The following XKR6 variants were observed in gnomAD, a reference collection of about 807,000 sequenced individuals.
XKR6 encodes XK-related protein 6.
In XKR6, 22 loss-of-function variants were observed where a neutral mutation model predicts 56.7. The observed-to-expected ratio is 0.39, with a 90% confidence interval of 0.28 to 0.55. XKR6 has a LOEUF of 0.55. Ranked by LOEUF, XKR6 falls within the 20% of genes least tolerant of loss-of-function variation. The probability of loss-of-function intolerance (pLI) is 0.66; values close to 1 mark genes in which losing one functional copy is unlikely to be tolerated. For synonymous variants in XKR6, 524 were observed against 387.8 expected, an observed-to-expected ratio of 1.35 and a Z score of -4.13; for missense variants, 852 against 889.0, an observed-to-expected ratio of 0.96 and a Z score of 0.53.
At chr8:11,049,222 A>C (rs1201417434) in intron 1 of XKR6, among the ~76,000 whole-genome samples, 1 of 152,228 alleles carries the variant, frequency 6.6e-6, no homozygotes, top group Non-Finnish European at 1.5e-5. Flanking sequence ...TAATGGCTGC[A>C]AGGCACCCAC....
intron 1 of XKR6, among the ~76,000 whole-genome samples, chr8:11,082,261 G>A (rs192073543): frequency 6.6e-6 from 1 of 152,346 alleles, no homozygotes; most frequent in East Asian, 1.9e-4. Context: ...CTAAGAACCA[G>A]GAGTCTGGAA....
intron 1 of XKR6, among the ~76,000 whole-genome samples, chr8:11,152,711 A>G (rs962403472): frequency 6.6e-6 from 1 of 152,210 alleles, no homozygotes. Flanking sequence ...CAGAGAACTA[A>G]AGCGCCATGC....
chr8:11,191,048 A>G (rs1803546912), intron 1 of XKR6, among the ~76,000 whole-genome samples: 1 of 152,162 alleles, frequency 6.6e-6, no homozygotes. Context: ...GTCCTCTCCA[A>G]CAACTAAACT....
intron 1 of XKR6, among the ~76,000 whole-genome samples, chr8:11,111,008 ATTTT>A (rs58233543): frequency 8.8e-6 from 1 of 114,218 alleles, no homozygotes; most frequent in Non-Finnish European, 1.8e-5. Flanking sequence ...GGCTTTTTCT[ATTTT>A]TTTTTTTTTT....
chr8:11,072,958 G>A (rs1018807507), intron 1 of XKR6, among the ~76,000 whole-genome samples: 1 of 152,140 alleles, frequency 6.6e-6, no homozygotes, highest in Non-Finnish European at 1.5e-5. Context: ...GCTGAGGCAG[G>A]AGAATTGCTT....
intron 1 of XKR6, among the ~76,000 whole-genome samples, chr8:11,048,144 C>T (rs1799455489): frequency 6.6e-6 from 1 of 152,188 alleles, no homozygotes; most frequent in African/African-American, 2.4e-5. Context: ...AGAAAGCCAC[C>T]TGTTGAGCTG....
At chr8:11,077,914 C>T (rs1800317304) in intron 1 of XKR6, among the ~76,000 whole-genome samples, 1 of 152,112 alleles carries the variant, frequency 6.6e-6, no homozygotes, top group Non-Finnish European at 1.5e-5. Flanking sequence ...CCGGGAGCAG[C>T]CTCCCGGTGT....
At chr8:10,958,674 C>T (rs895635742) in intron 1 of XKR6, among the ~76,000 whole-genome samples, 5 of 152,186 alleles carry the variant, frequency 3.3e-5, no homozygotes, top group Non-Finnish European at 5.9e-5. Context: ...CAGCCTGGGC[C>T]GCCCGCTGAT....
At chr8:11,005,497 T>G (rs1362813135) in intron 1 of XKR6, among the ~76,000 whole-genome samples, 1 of 152,260 alleles carries the variant, frequency 6.6e-6, no homozygotes, top group East Asian at 1.9e-4. Context: ...TGGTAATGGT[T>G]GTACAACACC....
intron 1 of XKR6, among the ~76,000 whole-genome samples, chr8:11,196,505 C>A (rs990308093): frequency 3.3e-5 from 5 of 152,140 alleles, no homozygotes; most frequent in Non-Finnish European, 5.9e-5. Flanking sequence ...CTTGAGTACA[C>A]CTGAGGTACT....
intron 1 of XKR6, among the ~76,000 whole-genome samples, chr8:11,072,152 G>T (rs1325447436): frequency 6.6e-6 from 1 of 152,188 alleles, no homozygotes; most frequent in Non-Finnish European, 1.5e-5. Flanking sequence ...GAAATCACCT[G>T]TACAGCCAAT....
At chr8:11,155,940 A>C (rs1367427222) in intron 1 of XKR6, among the ~76,000 whole-genome samples, 1 of 152,208 alleles carries the variant, frequency 6.6e-6, no homozygotes, top group Non-Finnish European at 1.5e-5. Context: ...GCAATGAAGG[A>C]GGCGCCTATT....
intron 1 of XKR6, among the ~76,000 whole-genome samples, chr8:11,011,677 G>A (rs1798502548): frequency 6.6e-6 from 1 of 152,204 alleles, no homozygotes; most frequent in Non-Finnish European, 1.5e-5. Flanking sequence ...CAGGGAAAGG[G>A]ACAGGGAATG....
chr8:10,981,442 A>G (rs2129137515), intron 1 of XKR6, among the ~76,000 whole-genome samples: 1 of 152,340 alleles, frequency 6.6e-6, no homozygotes, highest in South Asian at 2.1e-4. Flanking sequence ...ATTGCGGGTG[A>G]GGAGGACGAG....
chr8:11,071,685 G>A (rs906467679), intron 1 of XKR6, among the ~76,000 whole-genome samples: 2 of 138,676 alleles, frequency 1.4e-5, no homozygotes, highest in South Asian at 2.4e-4. Flanking sequence ...CCATGAGCCC[G>A]GAGTCTATGA....
chr8:10,973,955 T>C (rs1802479483), intron 1 of XKR6, among the ~76,000 whole-genome samples: 1 of 152,244 alleles, frequency 6.6e-6, no homozygotes. Flanking sequence ...TGACTTCATT[T>C]TTCTGGATGT....
At chr8:10,964,650 C>T (rs923804798) in intron 1 of XKR6, among the ~76,000 whole-genome samples, 1 of 152,184 alleles carries the variant, frequency 6.6e-6, no homozygotes, top group Non-Finnish European at 1.5e-5. Context: ...ACCTGCCTGT[C>T]CCCGCCGTTC....
chr8:10,971,346 A>G (rs28631517), intron 1 of XKR6, among the ~76,000 whole-genome samples: 10,196 of 151,974 alleles, frequency 0.067, 998 homozygotes, highest in African/African-American at 0.22. Flanking sequence ...GCGTGAACCC[A>G]GGAGGCGGAG....
intron 1 of XKR6, among the ~76,000 whole-genome samples, chr8:11,155,833 G>C (rs892067641): frequency 6.6e-6 from 1 of 152,078 alleles, no homozygotes; most frequent in African/African-American, 2.4e-5. Context: ...GTCATCAATG[G>C]CTCTCTTGCA....
Sources: gnomAD v4.1 joint callset for allele counts (sites outside exome capture counted in the v4.1 genomes callset) on GRCh38, gnomAD v4.1.1 for gene constraint, MANE v1.5 for transcripts, NCBI Gene and HGNC (gene_info 2026-07-23, HGNC 2026-07-21) for gene names.